ZBTB8OS: variants seen among roughly 807,000 people sequenced by gnomAD.
The protein encoded by ZBTB8OS is tRNA-splicing ligase-activating factor archease.
In ZBTB8OS, 16 loss-of-function variants were observed where a neutral mutation model predicts 29.3. The observed-to-expected ratio is 0.55, with a 90% CI of 0.37 to 0.83. ZBTB8OS has a LOEUF of 0.83. Among genes scored for constraint, ZBTB8OS ranks in the 40% least tolerant of loss-of-function variants. The pLI is 0.00. For missense variants in ZBTB8OS, 160 were observed against 196.9 expected (o/e 0.81, Z 1.12); for synonymous variants, 70 against 64.6 (o/e 1.08, Z -0.40).
In ZBTB8OS at chr1:32,647,589, C is replaced by T. The variant is rs1034430962; in HGVS notation, c.97+2844G>A. On this transcript the variant is annotated intron_variant, in intron 1 of 6. Coordinates refer to ENST00000468695, the MANE Select transcript of ZBTB8OS (RefSeq NM_178547.5). Reference sequence around the variant, plus strand: ...CTATATTTACAACAGCTCCCCATTGCTAACATTACTGCCTGAGCTCCACTT... The same window carrying T: ...CTATATTTACAACAGCTCCCCATTGTTAACATTACTGCCTGAGCTCCACTT... Among the ~76,000 whole-genome samples the T allele has an allele frequency of 1.2e-4, 19 of 152,280 alleles. No individual in the cohort carries two copies. The South Asian group carries it at 2.3e-3, about 18-fold the overall frequency.
intron 1 of ZBTB8OS, 95 bp from the exon 2 acceptor site, chr1:32,634,887 C>T (rs1178323317): frequency 1.1e-6 from 1 of 906,198 alleles, no homozygotes; most frequent in Admixed American, 1.7e-5. Context: ...TTAGGAATAT[C>T]ATCTTTAAAG....
At chr1:32,636,707 A>G (rs1298136127) in intron 1 of ZBTB8OS, among the ~76,000 whole-genome samples, 1 of 150,766 alleles carries the variant, frequency 6.6e-6, no homozygotes, top group Admixed American at 6.6e-5. Context: ...AAAAAAAAAA[A>G]GGTGGGGGGG....
Position 32,634,749 on chromosome 1 carries a change from G to T in ZBTB8OS, c.122+19C>A. On this transcript the variant is annotated intron_variant, in intron 2 of 6. Transcript: ENST00000468695. ...CCTACTGACGTGGTTTCAAAGGAATGAACTCCCGCTATACTCACTGGACAT... is the reference window on the plus strand; with the variant it reads ...CCTACTGACGTGGTTTCAAAGGAATTAACTCCCGCTATACTCACTGGACAT... 1 of 1,613,930 alleles carries T rather than the reference G, an allele frequency of 6.2e-7. No homozygotes were observed. The highest frequency in any genetic ancestry group is 1.1e-5 in the South Asian group (1 of 91,072).
intron 1 of ZBTB8OS, among the ~76,000 whole-genome samples, chr1:32,644,577 G>T (rs1646692782): frequency 6.9e-6 from 1 of 145,572 alleles, no homozygotes; most frequent in Admixed American, 6.9e-5. Flanking sequence ...TGTCACCCAG[G>T]CCGGGAGTAT....
chr1:32,633,466 A>G (rs1362459420), intron 4 of ZBTB8OS, 179 bp downstream of exon 4: 2 of 543,258 alleles, frequency 3.7e-6, no homozygotes, highest in African/African-American at 3.9e-5. Context: ...ATGTTCCCAC[A>G]TAGGCAAATG....
intron 1 of ZBTB8OS, among the ~76,000 whole-genome samples, chr1:32,638,061 G>A (rs972978459): frequency 4.0e-5 from 6 of 151,544 alleles, no homozygotes; most frequent in Admixed American, 6.6e-5. Flanking sequence ...GGTCTCAAAC[G>A]TCTAATCTCA....
At chr1:32,630,122 G>T (rs1325559243) in intron 5 of ZBTB8OS, among the ~76,000 whole-genome samples, 1 of 152,084 alleles carries the variant, frequency 6.6e-6, no homozygotes, top group African/African-American at 2.4e-5. Flanking sequence ...GATAATAAAA[G>T]ATCTCACTTT....
rs1291356998 is a variant in ZBTB8OS, at chr1:32,621,763, T to C, written c.*99A>G. The C allele has an allele frequency of 2.4e-6, 2 of 849,474 alleles. No homozygotes were observed. The highest frequency in any genetic ancestry group is 1.7e-5 in the African/African-American group (1 of 57,432). The allele number at this position is 849,474 out of a possible 1,614,324, so 52.6% of individuals were successfully genotyped here. The stretch of plus-strand genomic sequence containing the variant: ...TATTTCTGTTCTACAAATTTCCATA[T>C]ATCAAAAAAAAGCTGTAGAATTTAA... On this transcript the variant is annotated 3_prime_UTR_variant, in exon 7 of 7. Coordinates refer to ENST00000468695, the MANE Select transcript of ZBTB8OS (RefSeq NM_178547.5).
rs762676946 is a variant in ZBTB8OS, at chr1:32,650,467, C to T, written c.63G>A (p.Lys21=). 6.2e-7 allele frequency: 1 copy of T among 1,614,206 alleles called. No individual in the cohort carries two copies. The highest frequency in any genetic ancestry group is 1.1e-5 in the South Asian group (1 of 91,078). ...TCCTATTGACTGGCGGATACTTGGC[C>T]TTGATCGCCTTCTGTTCTTCAGTCA... The part of the protein sequence containing the change: ...YNLTEEQKAI[K]AKYPPVNRKY... The change falls in exon 1 of 7, where the codon AAG becomes AAA. Residue 21 remains lysine, a synonymous_variant. Coordinates refer to ENST00000468695, the MANE Select transcript of ZBTB8OS (RefSeq NM_178547.5).
chr1:32,634,586 G>C, intron 2 of ZBTB8OS, 182 bp downstream of exon 2: 1 of 683,070 alleles, frequency 1.5e-6, no homozygotes, highest in Non-Finnish European at 2.6e-6. Context: ...GGGGTGCAGT[G>C]GTGCAATCTC....
rs1176320645 is a variant in ZBTB8OS at position 32,621,491 on chromosome 1, ATTC to A, written c.*368_*370del. ...GTGTGGAAATATATTTTTTCAAGTT[ATTC>A]TTCTTTCAACCTGGATTCAGCCTCA... On this transcript the variant is annotated 3_prime_UTR_variant, in exon 7 of 7. Coordinates refer to ENST00000468695, the MANE Select transcript of ZBTB8OS (RefSeq NM_178547.5). 5.7e-6 allele frequency: 1 copy of A among 175,704 alleles called. No individual in the cohort carries two copies. The highest frequency in any genetic ancestry group is 2.4e-5 in the African/African-American group (1 of 42,202). The allele number at this position is 175,704 out of a possible 1,614,324, so 10.9% of individuals were successfully genotyped here.
chr1:32,644,248 A>G (rs965500784), intron 1 of ZBTB8OS, among the ~76,000 whole-genome samples: 2 of 152,164 alleles, frequency 1.3e-5, no homozygotes, highest in Non-Finnish European at 2.9e-5. Context: ...AGCTTGCCAC[A>G]GTATCTTATC....
In ZBTB8OS at chr1:32,631,799, C is replaced by T. The variant is rs1290245083; in HGVS notation, c.380+28G>A. 2.0e-5 allele frequency: 30 copies of T among 1,512,970 alleles called. 1 individual carries two copies. Among genetic ancestry groups the T allele is most frequent in the African/African-American group, 9.7e-5 (7 of 72,312 alleles). The allele number at this position is 1,512,970 out of a possible 1,614,324, so 93.7% of individuals were successfully genotyped here. On this transcript the variant is annotated intron_variant, in intron 5 of 6. Coordinates refer to ENST00000468695, the MANE Select transcript of ZBTB8OS (RefSeq NM_178547.5). ...TTCAATGAAGAATATAACTTTAACT[C>T]GGTACTTAAAAGACTTTCAAAACTT...
chr1:32,648,126 TATA>T (rs1646995243), intron 1 of ZBTB8OS, among the ~76,000 whole-genome samples: 2 of 152,034 alleles, frequency 1.3e-5, no homozygotes, highest in African/African-American at 4.8e-5. Flanking sequence ...TCCAAAACAG[TATA>T]ATATGTTCAA....
At position 32,650,391 on chromosome 1, in the gene ZBTB8OS, T is replaced by A. The variant is rs1470195274; in HGVS notation, c.97+42A>T. On this transcript the variant is annotated intron_variant, in intron 1 of 6. Coordinates refer to ENST00000468695, the MANE Select transcript of ZBTB8OS (RefSeq NM_178547.5). ...GCCGCGGGTAAGGAGAGGGGATGCC[T>A]GTGTGCTTACATGTAAAGAGAGAAG... 3.1e-6 allele frequency: 5 copies of A among 1,612,570 alleles called. No individual in the cohort carries two copies. In the East Asian group the frequency reaches 1.1e-4, roughly 36 times the overall value.
intron 1 of ZBTB8OS, among the ~76,000 whole-genome samples, chr1:32,639,650 T>C (rs1255504123): frequency 6.6e-6 from 1 of 151,838 alleles, no homozygotes; most frequent in Non-Finnish European, 1.5e-5. Context: ...CCCAGCTACT[T>C]GGGAGGCTGA....
At chr1:32,634,133 G>A in intron 2 of ZBTB8OS, 61 bp from the exon 3 acceptor site, 3 of 1,336,650 alleles carry the variant, frequency 2.2e-6, no homozygotes, top group Non-Finnish European at 2.9e-6. Flanking sequence ...AAATTTGATA[G>A]CAGGCAAAGT....
chr1:32,636,970 G>A (rs996956887), intron 1 of ZBTB8OS, among the ~76,000 whole-genome samples: 1 of 151,994 alleles, frequency 6.6e-6, no homozygotes, highest in Non-Finnish European at 1.5e-5. Flanking sequence ...CGGGAAGGAT[G>A]GGCCTTTGTC....
intron 1 of ZBTB8OS, among the ~76,000 whole-genome samples, chr1:32,645,738 C>T (rs901343534): frequency 6.6e-6 from 1 of 152,146 alleles, no homozygotes; most frequent in Non-Finnish European, 1.5e-5. Context: ...TCAAGTGATG[C>T]TCCCACCTCA....
Sources: allele counts gnomAD v4.1 joint callset (sites outside exome capture counted in the v4.1 genomes callset), GRCh38; gene constraint gnomAD v4.1.1; transcripts MANE v1.5; gene names NCBI Gene and HGNC (gene_info 2026-07-23, HGNC 2026-07-21).